AGBL4: variants seen among roughly 807,000 people sequenced by gnomAD.
AGBL4 encodes AGBL carboxypeptidase 4, also known as cytosolic carboxypeptidase 6.
A neutral mutation model predicts 66.4 loss-of-function variants in AGBL4; 58 were observed. The ratio of observed to expected loss-of-function variants is 0.87; its 90% confidence interval spans 0.71 to 1.09. The LOEUF (loss-of-function observed/expected upper bound fraction) is 1.09, where lower values mean the gene tolerates loss of function less well. Ranked by LOEUF, AGBL4 falls within the 50% of genes least tolerant of loss-of-function variation. AGBL4 has a pLI of 0.00. For missense variants in AGBL4, 579 were observed against 631.0 expected (o/e 0.92, Z 0.88); for synonymous variants, 234 against 222.9 (o/e 1.05, Z -0.44).
At chr1:49,311,141 T>C (rs1209563483) in intron 3 of AGBL4, among the ~76,000 whole-genome samples, 1 of 152,108 alleles carries the variant, frequency 6.6e-6, no homozygotes, top group Non-Finnish European at 1.5e-5. Flanking sequence ...TATCACATGG[T>C]ACTACAGTTG....
intron 5 of AGBL4, among the ~76,000 whole-genome samples, chr1:48,906,210 T>A (rs1165564441): frequency 3.3e-5 from 5 of 152,120 alleles, no homozygotes; most frequent in Non-Finnish European, 7.4e-5. Context: ...ATGTTAATAT[T>A]AAACAATAAA....
chr1:48,640,314 G>A (rs115685924), intron 8 of AGBL4, among the ~76,000 whole-genome samples: 1,754 of 152,220 alleles, frequency 0.012, 39 homozygotes, highest in African/African-American at 0.04. Context: ...CTCCATGAGG[G>A]CAGGGATAAT....
intron 3 of AGBL4, among the ~76,000 whole-genome samples, chr1:49,371,042 T>C (rs2148552575): frequency 6.6e-6 from 1 of 152,244 alleles, no homozygotes; most frequent in South Asian, 2.1e-4. Context: ...CATCAGCTCT[T>C]GTGCATCACC....
chr1:49,864,253 C>T (rs1646646161), intron 1 of AGBL4, among the ~76,000 whole-genome samples: 1 of 151,972 alleles, frequency 6.6e-6, no homozygotes, highest in South Asian at 2.1e-4. Flanking sequence ...AATGGTTACC[C>T]AAGCCTGGAA....
intron 6 of AGBL4, among the ~76,000 whole-genome samples, chr1:48,856,007 A>T (rs1040144945): frequency 3.9e-5 from 6 of 152,184 alleles, no homozygotes; most frequent in Admixed American, 2.6e-4. Flanking sequence ...ATTAAGTGAA[A>T]AATCAATAGA....
chr1:49,977,936 CTT>C (rs1360373295), intron 1 of AGBL4, among the ~76,000 whole-genome samples: 1 of 152,176 alleles, frequency 6.6e-6, no homozygotes, highest in Non-Finnish European at 1.5e-5. Context: ...CTACTTTTCT[CTT>C]TCTGCATATT....
chr1:48,661,742 TG>T (rs1646110843), intron 7 of AGBL4, among the ~76,000 whole-genome samples: 1 of 152,208 alleles, frequency 6.6e-6, no homozygotes, highest in African/African-American at 2.4e-5. Flanking sequence ...CACAGGGGTT[TG>T]GGCTCCCAGA....
chr1:48,637,217 GA>G (rs1645681423), intron 8 of AGBL4, among the ~76,000 whole-genome samples: 1 of 152,180 alleles, frequency 6.6e-6, no homozygotes, highest in Non-Finnish European at 1.5e-5. Context: ...TGTTCTATGT[GA>G]ATGACATGGA....
intron 3 of AGBL4, chr1:49,268,999 C>G (rs1028305921): frequency 6.6e-6 from 1 of 152,198 alleles, no homozygotes; most frequent in African/African-American, 2.4e-5. Flanking sequence ...AACGATGGTA[C>G]AGCAGCTTTA....
Position 49,479,191 on chromosome 1 carries a change from T to C in AGBL4, c.282+218122A>G, listed in dbSNP as rs1646903843. ...AATGCTGTAGGATATAAAATCAATATACAAAAATCAGTTGCATTTCTGTAT... is the reference window on the plus strand; with the variant it reads ...AATGCTGTAGGATATAAAATCAATACACAAAAATCAGTTGCATTTCTGTAT... On this transcript the variant is annotated intron_variant, in intron 3 of 13. Transcript: ENST00000371839. Among the ~76,000 whole-genome samples the C allele has an allele frequency of 2.0e-5, 3 of 152,052 alleles. No individual in the cohort carries two copies. The South Asian group carries it at 6.2e-4, about 32-fold the overall frequency.
intron 12 of AGBL4, among the ~76,000 whole-genome samples, chr1:48,537,754 TC>T (rs1176183008): frequency 1.3e-5 from 2 of 152,218 alleles, no homozygotes; most frequent in Admixed American, 6.5e-5. Context: ...AAAGAGACAA[TC>T]CCCAAATTAA....
intron 4 of AGBL4, among the ~76,000 whole-genome samples, chr1:49,130,375 T>G (rs1362627909): frequency 2.0e-5 from 3 of 152,222 alleles, no homozygotes; most frequent in South Asian, 2.1e-4. Flanking sequence ...GTTTTAGACA[T>G]GAAGTCCTTG....
chr1:49,684,971 T>C (rs1646761237), intron 3 of AGBL4, among the ~76,000 whole-genome samples: 1 of 152,164 alleles, frequency 6.6e-6, no homozygotes, highest in Non-Finnish European at 1.5e-5. Flanking sequence ...AAATTGCATG[T>C]GGCTGGGATT....
intron 1 of AGBL4, among the ~76,000 whole-genome samples, chr1:49,928,835 A>C (rs1653049988): frequency 6.6e-6 from 1 of 152,136 alleles, no homozygotes; most frequent in Non-Finnish European, 1.5e-5. Flanking sequence ...GAAAAAAAAA[A>C]AATCATTCTA....
At chr1:48,709,062 C>G (rs892418551) in intron 6 of AGBL4, among the ~76,000 whole-genome samples, 14 of 152,194 alleles carry the variant, frequency 9.2e-5, no homozygotes. Context: ...TTCTCCTCTC[C>G]GGCCTCTGGG....
chr1:49,808,887 A>G (rs1645034320), intron 2 of AGBL4, among the ~76,000 whole-genome samples: 1 of 152,178 alleles, frequency 6.6e-6, no homozygotes, highest in African/African-American at 2.4e-5. Flanking sequence ...TTTCATTGTT[A>G]TAGATTCCGA....
chr1:49,508,264 A>C (rs1337956394), intron 3 of AGBL4, among the ~76,000 whole-genome samples: 1 of 151,998 alleles, frequency 6.6e-6, no homozygotes, highest in East Asian at 1.9e-4. Flanking sequence ...AGATAAACAA[A>C]ATATTAAAGG....
At chr1:48,622,475 A>ATTTTTT (rs35455455) in intron 9 of AGBL4, among the ~76,000 whole-genome samples, 3 of 71,854 alleles carry the variant, frequency 4.2e-5, no homozygotes, top group African/African-American at 1.0e-4. Flanking sequence ...ATTCAAATAC[A>ATTTTTT]TTTTTTTTTT....
chr1:49,665,999 A>T (rs987429641), intron 3 of AGBL4, among the ~76,000 whole-genome samples: 3 of 151,300 alleles, frequency 2.0e-5, no homozygotes, highest in Non-Finnish European at 2.9e-5. Context: ...TAATATTTTT[A>T]AAATTTTTAA....
Sources: allele counts gnomAD v4.1 joint callset (sites outside exome capture counted in the v4.1 genomes callset), GRCh38; gene constraint gnomAD v4.1.1; transcripts MANE v1.5; gene names NCBI Gene and HGNC (gene_info 2026-07-23, HGNC 2026-07-21).